CCDC110: variants seen among roughly 807,000 people sequenced by gnomAD.
The protein encoded by CCDC110 is coiled-coil domain containing 110, also known as coiled-coil domain-containing protein 110.
Under a neutral mutation model 77.1 loss-of-function variants are expected in CCDC110, and 70 were observed. The observed-to-expected ratio is 0.91, with a 90% CI of 0.75 to 1.11. CCDC110 has a LOEUF of 1.11. Among genes scored for constraint, CCDC110 ranks in the 50% least tolerant of loss-of-function variants. The pLI is 0.00. For synonymous variants in CCDC110, 295 were observed against 312.5 expected (o/e 0.94, Z 0.59); for missense variants, 868 against 942.9 (o/e 0.92, Z 1.04).
At chr4:185,454,499 A>C (rs1241181156) in intron 6 of CCDC110, among the ~76,000 whole-genome samples, 1 of 151,994 alleles carries the variant, frequency 6.6e-6, no homozygotes, top group Non-Finnish European at 1.5e-5. Context: ...GGATCACTTA[A>C]GGTCAGGAGT....
chr4:185,461,959 A>T (rs1176249677), intron 4 of CCDC110, among the ~76,000 whole-genome samples: 2 of 152,174 alleles, frequency 1.3e-5, no homozygotes, highest in African/African-American at 2.4e-5. Context: ...TTAACCAGGC[A>T]TGGTGGTGGG....
chr4:185,463,936 A>C (rs1199612995), intron 2 of CCDC110, among the ~76,000 whole-genome samples: 1 of 152,172 alleles, frequency 6.6e-6, no homozygotes, highest in Admixed American at 6.5e-5. Flanking sequence ...AGTAGACAGA[A>C]GTACTCCAGC....
intron 6 of CCDC110, chr4:185,457,797 TAC>T: frequency 6.9e-7 from 1 of 1,447,080 alleles, no homozygotes; most frequent in Non-Finnish European, 9.2e-7. Context: ...AAGCAAATGA[TAC>T]AGTTTACTTG....
chr4:185,451,145 C>T (rs72712041), intron 6 of CCDC110, among the ~76,000 whole-genome samples: 26,290 of 152,152 alleles, frequency 0.17, 2,394 homozygotes, highest in Non-Finnish European at 0.19. Flanking sequence ...TGCCACCATG[C>T]AAGATGTGCC....
rs1472233354 is a variant in CCDC110 at position 185,459,859 on chromosome 4, T to C, written c.728A>G (p.His243Arg). The C allele has an allele frequency of 3.7e-6, 6 of 1,613,162 alleles. No homozygotes were observed. In the African/African-American group the frequency reaches 4.0e-5, roughly 11 times the overall value. Reference protein sequence around the residue: ...GFCENLDDICHSIKQMKEELQ... With the variant: ...GFCENLDDICRSIKQMKEELQ... ...CTCTTCTTTCATTTGTTTGATAGAA[T>C]GGCAAATGTCATCTAAATTTTCACA... Residue 243 changes from histidine (H) to arginine (R), a missense_variant, in exon 6 of 7, where the codon CAT becomes CGT. By Grantham distance (29) the His-to-Arg change is conservative. Transcript: ENST00000307588.
At chr4:185,460,369 G>A (rs2153321617) in intron 5 of CCDC110, 131 bp from the exon 6 acceptor site, 1 of 602,268 alleles carries the variant, frequency 1.7e-6, no homozygotes, top group East Asian at 2.9e-5. Context: ...CAGCAAAGGA[G>A]CATAACAAGT....
rs770507320 is a variant in CCDC110 at position 185,459,687 on chromosome 4, G to A, written c.900C>T (p.Asp300=). The change falls in exon 6 of 7, where the codon GAC becomes GAT. Residue 300 remains aspartate, a synonymous_variant. Coordinates refer to ENST00000307588, the MANE Select transcript of CCDC110 (RefSeq NM_152775.4). ...KMNFIKEENL[D]GNLNEDIKSK... ...ATTTTATATCTTCATTTAAGTTACC[G>A]TCCAAGTTTTCTTCCTTAATAAAGT... The A allele has an allele frequency of 9.9e-6, 16 of 1,611,802 alleles. No homozygotes were observed. Among genetic ancestry groups the A allele is most frequent in the Middle Eastern group, 1.6e-4 (1 of 6,072 alleles).
intron 6 of CCDC110, among the ~76,000 whole-genome samples, chr4:185,456,760 C>T (rs2095636597): frequency 6.6e-6 from 1 of 152,046 alleles, no homozygotes; most frequent in Admixed American, 6.6e-5. Context: ...GTAAAACCTT[C>T]CCATTTAGAA....
Position 185,458,327 on chromosome 4 carries a change from C to G in CCDC110, c.2260G>C (p.Glu754Gln), listed in dbSNP as rs1351398992. The change falls in exon 6 of 7, where the codon GAA (glutamate) becomes CAA (glutamine). Residue 754 changes from glutamate to glutamine, a missense_variant. Transcript: ENST00000307588. The part of the protein sequence containing the change: ...ILLENYVRSI[E>Q]NERDTLEFEM... ...AATTCCAAGGTATCCCTTTCATTTT[C>G]TATGCTTCTTACGTAATTTTCTAAA... 6.3e-7 allele frequency: 1 copy of G among 1,589,376 alleles called. No homozygotes were observed. Among genetic ancestry groups the G allele is most frequent in the African/African-American group, 1.4e-5 (1 of 73,312 alleles).
intron 5 of CCDC110, among the ~76,000 whole-genome samples, 178 bp from the exon 6 acceptor site, chr4:185,460,416 T>C (rs1346539718): frequency 6.6e-6 from 1 of 152,236 alleles, no homozygotes; most frequent in Non-Finnish European, 1.5e-5. Context: ...TTGAGATCTG[T>C]AACTCTGGTC....
chr4:185,459,617 G>A lies in CCDC110; in HGVS notation c.970C>T (p.Pro324Ser), dbSNP rs768847038. The A allele has an allele frequency of 1.6e-5, 25 of 1,612,216 alleles. No individual in the cohort carries two copies. Among genetic ancestry groups the A allele is most frequent in the Non-Finnish European group, 2.1e-5 (25 of 1,179,476 alleles). Residue 324 changes from proline to serine, a missense_variant, in exon 6 of 7, where the codon CCC becomes TCC. Transcript: ENST00000307588. ...ELEALVKKLL[P>S]FRETVSKFHV... ...AATTTTGACACAGTTTCCCTGAAGG[G>A]GAGTAATTTCTTCACTAATGCCTCT... is the stretch of plus-strand genomic sequence containing the variant.
chr4:185,470,593 A>G, intron 2 of CCDC110: 1 of 463,610 alleles, frequency 2.2e-6, no homozygotes, highest in Admixed American at 2.4e-5. Flanking sequence ...GCATTCAGAG[A>G]AGCAACGGAG....
chr4:185,462,915 C>G, intron 3 of CCDC110, 79 bp downstream of exon 3: 1 of 1,230,516 alleles, frequency 8.1e-7, no homozygotes, highest in Non-Finnish European at 1.2e-6. Context: ...AACCCGTTTG[C>G]ATTTAGGGAG....
chr4:185,460,269 A>G, intron 5 of CCDC110, 31 bp from the exon 6 acceptor site: 1 of 1,494,450 alleles, frequency 6.7e-7, no homozygotes, highest in Non-Finnish European at 9.0e-7. Context: ...CTATAAATGT[A>G]TTGTCATTTG....
rs760145580 is a variant in CCDC110 at position 185,459,115 on chromosome 4, T to G, written c.1472A>C (p.Gln491Pro). ...KNLVEEKSTI[Q>P]SKLSKTEEYS... is the part of the protein sequence containing the mutation. ...TTCTTCTGTTTTACTTAACTTAGAC[T>G]GAATAGTACTCTTTTCTTCAACCAG... The change falls in exon 6 of 7, where the codon CAG becomes CCG. Residue 491 changes from glutamine to proline, a missense_variant. By Grantham distance (76) the Gln-to-Pro change is moderately conservative. Transcript: ENST00000307588. The G allele has an allele frequency of 2.5e-6, 4 of 1,592,696 alleles. No homozygotes were observed. The highest frequency in any genetic ancestry group is 3.4e-6 in the Non-Finnish European group (4 of 1,167,148).
chr4:185,460,028 G>T lies in CCDC110; in HGVS notation c.559C>A (p.Pro187Thr), dbSNP rs144333334. The change falls in exon 6 of 7, where the codon CCT (proline) becomes ACT (threonine). Residue 187 changes from proline to threonine, a missense_variant. Coordinates refer to ENST00000307588, the MANE Select transcript of CCDC110 (RefSeq NM_152775.4). ...DNLSSNIIIH[P>T]SENSDILKNY... is the part of the protein sequence containing the mutation. Reference sequence around the variant, plus strand: ...TTCAAGATGTCAGAATTTTCTGAAGGGTGTATAATTATGTTTGAAGATAAA... The same window carrying T: ...TTCAAGATGTCAGAATTTTCTGAAGTGTGTATAATTATGTTTGAAGATAAA... The T allele has an allele frequency of 1.2e-6, 2 of 1,612,922 alleles. No homozygotes were observed. Among genetic ancestry groups the T allele is most frequent in the East Asian group, 4.5e-5 (2 of 44,820 alleles).
chr4:185,451,606 G>A (rs2095629345), intron 6 of CCDC110, among the ~76,000 whole-genome samples: 1 of 152,148 alleles, frequency 6.6e-6, no homozygotes, highest in Admixed American at 6.5e-5. Flanking sequence ...GAATAGGAAT[G>A]GCCTTACCAA....
chr4:185,460,813 C>A, intron 5 of CCDC110: 1 of 407,776 alleles, frequency 2.5e-6, no homozygotes, highest in Non-Finnish European at 4.7e-6. Flanking sequence ...GGGAATCTTT[C>A]ACGATCTGGA....
In CCDC110 at chr4:185,463,030, TTC is replaced by T. The variant is rs1431954351; in HGVS notation, c.133_134del (p.Glu45IlefsTer41). The T allele has an allele frequency of 3.1e-6, 5 of 1,613,640 alleles. No individual in the cohort carries two copies. The Admixed American group carries it at 6.7e-5, about 22-fold the overall frequency. ...CSDTEYGCIA[E>X]SENQIQPQSA... ...ATTGTGGTTGGATTTGATTTTCTGA[TTC>T]TGCTATGCAGCCATATTCTAAGAAG... On this transcript the variant is annotated frameshift_variant, in exon 3 of 7. Transcript: ENST00000307588. LOFTEE classifies it high-confidence loss of function.
Sources: gnomAD v4.1 joint callset for allele counts (sites outside exome capture counted in the v4.1 genomes callset) on GRCh38, gnomAD v4.1.1 for gene constraint, MANE v1.5 for transcripts, NCBI Gene and HGNC (gene_info 2026-07-23, HGNC 2026-07-21) for gene names.